EPB41L3: variants seen among roughly 807,000 people sequenced by gnomAD.
EPB41L3 encodes the protein erythrocyte membrane protein band 4.1 like 3.
EPB41L3 carries 57 observed loss-of-function variants against 127.1 expected under a neutral mutation model. That is an observed-to-expected ratio of 0.45 (90% confidence interval 0.36 to 0.56). The LOEUF (loss-of-function observed/expected upper bound fraction) is 0.56. EPB41L3 is among the 20% of genes least tolerant of loss of function. The pLI is 0.00. For synonymous variants in EPB41L3, 572 were observed against 549.5 expected, an observed-to-expected ratio of 1.04 and a Z score of -0.57; for missense variants, 1,273 against 1,372.2, an observed-to-expected ratio of 0.93 and a Z score of 1.14.
rs1267281465 is a variant in EPB41L3 at position 5,397,971 on chromosome 18, A to G, written c.2472+50T>C. ...CTCACGCCCAAAAAAAGGGTAAGGA[A>G]AGGCACATGGGCACATTCAGAAACA... On this transcript the variant is annotated intron_variant, in intron 17 of 22. Coordinates refer to ENST00000341928, the MANE Select transcript of EPB41L3 (RefSeq NM_012307.5). The surrounding 1 kb of genome is among the most constrained non-coding windows in gnomAD (Gnocchi z 4.1). 6.2e-7 allele frequency: 1 copy of G among 1,612,476 alleles called. No individual in the cohort carries two copies. Among genetic ancestry groups the G allele is most frequent in the Non-Finnish European group, 8.5e-7 (1 of 1,179,216 alleles).
intron 1 of EPB41L3, among the ~76,000 whole-genome samples, chr18:5,491,040 T>A (rs1158673017): frequency 2.6e-4 from 40 of 152,226 alleles, no homozygotes. Context: ...AGCTTTCAGA[T>A]CTAGCAGGTG....
intron 1 of EPB41L3, among the ~76,000 whole-genome samples, chr18:5,516,803 G>C (rs2092769413): frequency 6.6e-6 from 1 of 152,140 alleles, no homozygotes. Context: ...CTGCTGATCA[G>C]AACAGTTAAA....
intron 16 of EPB41L3, among the ~76,000 whole-genome samples, chr18:5,402,065 G>C (rs904842193): frequency 2.0e-5 from 3 of 151,734 alleles, no homozygotes; most frequent in African/African-American, 7.3e-5. Flanking sequence ...AGAGATTGTA[G>C]GGGAACATCT....
rs150071835 is a variant in EPB41L3 at position 5,395,116 on chromosome 18, A to G, written c.3104T>C (p.Ile1035Thr). 5 of 1,614,066 alleles carry G rather than the reference A, an allele frequency of 3.1e-6. No individual in the cohort carries two copies. Among genetic ancestry groups the G allele is most frequent in the Non-Finnish European group, 4.2e-6 (5 of 1,180,004 alleles). The change falls in exon 21 of 23, where the codon ATT becomes ACT. Residue 1035 changes from isoleucine to threonine, a missense_variant. By Grantham distance (89) the Ile-to-Thr change is moderately conservative. Around this residue, in one of 3 missense-constraint regions of EPB41L3, gnomAD observed 765 missense variants for 782.9 expected, o/e 0.98. Transcript: ENST00000341928. Reference protein sequence around the residue: ...TVKGGISETRIEKRIVITGDA... With the variant: ...TVKGGISETRTEKRIVITGDA... ...CCCCGTGATGACTATTCGCTTCTCA[A>G]TTCTTGTCTCTGAAATGCCCCCTTT... is the stretch of plus-strand genomic sequence containing the variant.
intron 14 of EPB41L3, 53 bp downstream of exon 14, chr18:5,410,513 C>A: frequency 7.2e-7 from 1 of 1,381,350 alleles, no homozygotes; most frequent in Non-Finnish European, 1.0e-6. Flanking sequence ...AGAGCCACCC[C>A]ACAAGGCATT....
At chr18:5,527,516 T>C (rs2148888151) in intron 1 of EPB41L3, among the ~76,000 whole-genome samples, 1 of 152,350 alleles carries the variant, frequency 6.6e-6, no homozygotes, top group East Asian at 1.9e-4. Context: ...AGCAGTGTTC[T>C]AAAAGTTGGG....
intron 4 of EPB41L3, 70 bp downstream of exon 4, chr18:5,445,070 T>C (rs906146048): frequency 1.7e-6 from 2 of 1,150,680 alleles, no homozygotes; most frequent in Non-Finnish European, 2.6e-6. Context: ...ACCCATTCAG[T>C]TTCAGTTCAC....
At chr18:5,493,832 G>A (rs28470490) in intron 1 of EPB41L3, among the ~76,000 whole-genome samples, 40,388 of 151,904 alleles carry the variant, frequency 0.27, 6,355 homozygotes, top group African/African-American at 0.43. Context: ...CCACAAGCCA[G>A]TCAATCCTAG....
At chr18:5,592,504 C>T (rs952110943) in intron 3 of EPB41L3, among the ~76,000 whole-genome samples, 13 of 152,322 alleles carry the variant, frequency 8.5e-5, no homozygotes, top group African/African-American at 2.9e-4. Flanking sequence ...AGGAATAGAC[C>T]ATACACCCTG....
At position 5,573,913 on chromosome 18, in the gene EPB41L3, C is replaced by CT. The variant is rs749608391; in HGVS notation, c.-306+38426dup. ...CAAAAAATTTACCTAATATATATAC[C>CT]TTTTTTTTTTTTTTTGAGACGGAAT... is the stretch of plus-strand genomic sequence containing the variant. On this transcript the variant is annotated intron_variant, in intron 3 of 21. Coordinates refer to the EPB41L3 transcript ENST00000545076. Among the ~76,000 whole-genome samples the CT allele has an allele frequency of 6.2e-3, 880 of 141,438 alleles. 8 individuals carry two copies. The highest frequency in any genetic ancestry group is 8.7e-3 in the African/African-American group (335 of 38,602). The allele number at this position is 141,438 out of a possible 152,430, so 92.8% of individuals were successfully genotyped here.
intron 1 of EPB41L3, among the ~76,000 whole-genome samples, chr18:5,493,119 G>A (rs1013197601): frequency 1.3e-5 from 2 of 152,158 alleles, no homozygotes; most frequent in Non-Finnish European, 2.9e-5. Context: ...AGAAGTGGCA[G>A]CTCTAAAATC....
Position 5,543,013 on chromosome 18 carries a change from C to G in EPB41L3, c.-12+900G>C, listed in dbSNP as rs533936217. ...CCCCACCCCCACCGCGGCAGAGCCG[C>G]CTTCGCAGACACCTCCCGAGGAGAA... On this transcript the variant is annotated intron_variant, in intron 1 of 22. Transcript: ENST00000341928. This position sits in a 1 kb window ranked among gnomAD's most constrained non-coding sequence, Gnocchi z 5.2. Among the ~76,000 whole-genome samples, 63 of 152,270 alleles carry G rather than the reference C, an allele frequency of 4.1e-4. No homozygotes were observed. Among genetic ancestry groups the G allele is most frequent in the African/African-American group, 1.5e-3 (61 of 41,582 alleles).
intron 1 of EPB41L3, among the ~76,000 whole-genome samples, chr18:5,620,666 G>A (rs1285585127): frequency 6.6e-6 from 1 of 152,044 alleles, no homozygotes; most frequent in Non-Finnish European, 1.5e-5. Context: ...TACATCATCC[G>A]ATCTTTTAAA....
chr18:5,599,300 C>G (rs1029593374), intron 3 of EPB41L3, among the ~76,000 whole-genome samples: 1 of 152,178 alleles, frequency 6.6e-6, no homozygotes, highest in Non-Finnish European at 1.5e-5. Flanking sequence ...TGAGAGCAAA[C>G]TCTTCACATC....
At chr18:5,430,431 A>G (rs1016544232) in intron 8 of EPB41L3, among the ~76,000 whole-genome samples, 1 of 152,184 alleles carries the variant, frequency 6.6e-6, no homozygotes, top group Non-Finnish European at 1.5e-5. Context: ...TGAAAACGGC[A>G]CAAACGAGTG....
intron 3 of EPB41L3, chr18:5,567,080 A>T (rs2094216790): frequency 6.6e-6 from 1 of 152,276 alleles, no homozygotes; most frequent in East Asian, 1.9e-4. Context: ...TGCTGGGATT[A>T]CAGGAGTGAG....
intron 3 of EPB41L3, among the ~76,000 whole-genome samples, chr18:5,593,389 C>T (rs1267814032): frequency 1.3e-5 from 2 of 152,056 alleles, no homozygotes; most frequent in African/African-American, 4.8e-5. Context: ...TTCCAAGATG[C>T]CCCCTGAGCC....
intron 3 of EPB41L3, among the ~76,000 whole-genome samples, chr18:5,557,416 C>T (rs1295124762): frequency 6.6e-6 from 1 of 152,184 alleles, no homozygotes; most frequent in African/African-American, 2.4e-5. Flanking sequence ...CAGGGTCTCA[C>T]TCTCTTGCCC....
In EPB41L3 at chr18:5,489,201, G is replaced by A; in HGVS notation, c.-11-7C>T. 1 of 1,586,108 alleles carries A rather than the reference G, an allele frequency of 6.3e-7. No individual in the cohort carries two copies. The highest frequency in any genetic ancestry group is 1.1e-5 in the South Asian group (1 of 87,604). ...GTCGTCATGGTTGATTGTTCTGCAAGCAGAAAAAAGGGAAGAGCAGGTCAC... is the reference window on the plus strand; with the variant it reads ...GTCGTCATGGTTGATTGTTCTGCAAACAGAAAAAAGGGAAGAGCAGGTCAC... On this transcript the variant is annotated splice_polypyrimidine_tract_variant and splice_region_variant and intron_variant, in intron 1 of 22. Transcript: ENST00000341928.
Sources: gnomAD v4.1 joint callset for allele counts (sites outside exome capture counted in the v4.1 genomes callset) on GRCh38, gnomAD v4.1.1 for gene constraint, gnomAD v4.1.1 regional missense constraint, Gnocchi (gnomAD v3.1) non-coding constraint, MANE v1.5 for transcripts, NCBI Gene and HGNC (gene_info 2026-07-23, HGNC 2026-07-21) for gene names.